The following CDHR3 variants were observed in gnomAD, a reference collection of about 807,000 sequenced individuals.
CDHR3 encodes cadherin-related family member 3.
CDHR3 carries 79 observed loss-of-function variants against 86.6 expected under a neutral mutation model. The ratio of observed to expected loss-of-function variants is 0.91; its 90% confidence interval spans 0.76 to 1.10. The LOEUF (loss-of-function observed/expected upper bound fraction) is 1.10, where lower values mean the gene tolerates loss of function less well. CDHR3 is among the 50% of genes least tolerant of loss of function. CDHR3 has a pLI of 0.00. For synonymous variants in CDHR3, 421 were observed against 402.4 expected, an observed-to-expected ratio of 1.05 and a Z score of -0.55; for missense variants, 1,081 against 1,077.6, an observed-to-expected ratio of 1.00 and a Z score of -0.04.
Position 106,018,022 on chromosome 7 carries a change from T to A in CDHR3, c.1603T>A (p.Tyr535Asn), listed in dbSNP as rs774894721. 3.5e-5 allele frequency: 57 copies of A among 1,613,832 alleles called. No individual in the cohort carries two copies. The highest frequency in any genetic ancestry group is 6.7e-5 in the African/African-American group (5 of 74,908). ...AGTGGACTGTGAAACAACCCCCATC[T>A]ATATTCTCAGAATCCAGGCCACCAA... The part of the protein sequence containing the change: ...TKVDCETTPI[Y>N]ILRIQATNNE... Residue 535 changes from tyrosine to asparagine, a missense_variant, in exon 12 of 19, where the codon TAT becomes AAT. Transcript: ENST00000317716.
intron 4 of CDHR3, among the ~76,000 whole-genome samples, chr7:105,985,617 G>A (rs1830411755): frequency 6.6e-6 from 1 of 151,980 alleles, no homozygotes; most frequent in Admixed American, 6.6e-5. Context: ...ACAACTTAAA[G>A]TAAGGGAATA....
rs762482182 is a variant in CDHR3 at position 106,032,537 on chromosome 7, T to G, written c.2498T>G (p.Leu833Arg). The change falls in exon 19 of 19, where the codon CTG becomes CGG. Residue 833 changes from leucine to arginine, a missense_variant. Coordinates refer to ENST00000317716, the MANE Select transcript of CDHR3 (RefSeq NM_152750.5). ...RVTAGEGMGS[L>R]RSANWEEDEL... ...ACTGCTGGGGAAGGGATGGGGTCAC[T>G]GAGAAGTGCCAACTGGGAAGAAGAT... 1.2e-6 allele frequency: 2 copies of G among 1,613,756 alleles called. No homozygotes were observed. Among genetic ancestry groups the G allele is most frequent in the Middle Eastern group, 1.6e-4 (1 of 6,062 alleles).
In CDHR3 at chr7:105,981,213, A is replaced by T. The variant is rs1563240383; in HGVS notation, c.415+80A>T. The T allele has an allele frequency of 1.3e-5, 19 of 1,414,540 alleles. No homozygotes were observed. In the East Asian group the frequency reaches 4.6e-4, roughly 34 times the overall value. 87.6% of individuals were successfully genotyped at this position (1,414,540 alleles called of 1,614,324 possible). A position where few individuals can be genotyped will look rare whatever the true frequency, so the allele number is the denominator to read the frequency against. ...CTGGGGGACAGAGAGAAACAGAAAAAGTAAATAAACAAGCAGCTGTTTCCC... is the reference window on the plus strand; with the variant it reads ...CTGGGGGACAGAGAGAAACAGAAAATGTAAATAAACAAGCAGCTGTTTCCC... On this transcript the variant is annotated intron_variant, in intron 3 of 18. Coordinates refer to ENST00000317716, the MANE Select transcript of CDHR3 (RefSeq NM_152750.5).
rs201638418 is a variant in CDHR3 at position 106,015,195 on chromosome 7, GC to G, written c.1316del (p.Pro439LeufsTer12). On this transcript the variant is annotated frameshift_variant, in exon 10 of 19. Coordinates refer to ENST00000317716, the MANE Select transcript of CDHR3 (RefSeq NM_152750.5). LOFTEE classifies it high-confidence loss of function. ...GGTGATAATCCAGGTGCAGGATGTGGCCCCCCCTTACTATAAAAGCAAGTAT... is the reference window on the plus strand; with the variant it reads ...GGTGATAATCCAGGTGCAGGATGTGGCCCCCCTTACTATAAAAGCAAGTAT... ...YTVIIQVQDV[A>X]PPYYKNNVYV... is the part of the protein sequence containing the mutation. 4.1e-4 allele frequency: 657 copies of G among 1,609,176 alleles called. 3 individuals are homozygous for G. The East Asian group carries it at 9.5e-3, about 23-fold the overall frequency.
chr7:106,033,701 A>G lies in CDHR3; in HGVS notation c.*1004A>G, dbSNP rs113519947. 6,722 of 152,318 alleles carry G rather than the reference A, an allele frequency of 0.044. 336 individuals are homozygous for G. The highest frequency in any genetic ancestry group is 0.13 in the African/African-American group (5,297 of 41,528). 9.4% of individuals were successfully genotyped at this position (152,318 alleles called of 1,614,324 possible). A position where few individuals can be genotyped will look rare whatever the true frequency, so the allele number is the denominator to read the frequency against. ...GGTTACAGTGAGTTGAGATTGTGCCACTGCACTCTAGCCTGGGTGACAAAG... is the reference window on the plus strand; with the variant it reads ...GGTTACAGTGAGTTGAGATTGTGCCGCTGCACTCTAGCCTGGGTGACAAAG... On this transcript the variant is annotated 3_prime_UTR_variant, in exon 19 of 19. Transcript: ENST00000317716.
rs73195662 is a variant in CDHR3 at position 106,018,014 on chromosome 7, C to G, written c.1595C>G (p.Thr532Ser). Residue 532 changes from threonine to serine, a missense_variant, in exon 12 of 19, where the codon ACC (threonine) becomes AGC (serine). Transcript: ENST00000317716. ...GTAACTAAAGTGGACTGTGAAACAA[C>G]CCCCATCTATATTCTCAGAATCCAG... ...QLVTKVDCET[T>S]PIYILRIQAT... The G allele has an allele frequency of 0.069, 110,415 of 1,611,832 alleles. 4,424 individuals are homozygous for G. The highest frequency in any genetic ancestry group is 0.14 in the South Asian group (13,054 of 90,936).
chr7:106,022,579 C>T, intron 14 of CDHR3, 131 bp downstream of exon 14: 2 of 1,332,386 alleles, frequency 1.5e-6, no homozygotes, highest in Non-Finnish European at 2.1e-6. Flanking sequence ...CCAAAAATGG[C>T]AACCATGGGC....
chr7:105,974,545 C>T (rs189131063), intron 1 of CDHR3, among the ~76,000 whole-genome samples: 5 of 152,260 alleles, frequency 3.3e-5, no homozygotes, highest in Non-Finnish European at 7.3e-5. Flanking sequence ...TTTCCCTGCT[C>T]TTCCCAAAGG....
Position 105,981,077 on chromosome 7 carries a change from C to G in CDHR3, c.359C>G (p.Thr120Ser), listed in dbSNP as rs781573824. Residue 120 changes from threonine (T) to serine (S), a missense_variant, in exon 3 of 19, where the codon ACT becomes AGT. Coordinates refer to ENST00000317716, the MANE Select transcript of CDHR3 (RefSeq NM_152750.5). Reference sequence around the variant, plus strand: ...GGTGTCACAGACCTGCAAGTCCTGACTGTCCAGGTAACAGATGTGAACGAG... The same window carrying G: ...GGTGTCACAGACCTGCAAGTCCTGAGTGTCCAGGTAACAGATGTGAACGAG... ...EVGVTDLQVLTVQVTDVNEPP... is the reference protein window; with the variant it reads ...EVGVTDLQVLSVQVTDVNEPP... The G allele has an allele frequency of 1.2e-6, 2 of 1,613,686 alleles. No homozygotes were observed. Among genetic ancestry groups the G allele is most frequent in the Admixed American group, 3.3e-5 (2 of 59,980 alleles).
intron 2 of CDHR3, among the ~76,000 whole-genome samples, chr7:105,978,290 A>T (rs1419842572): frequency 2.0e-5 from 3 of 152,164 alleles, no homozygotes; most frequent in Non-Finnish European, 4.4e-5. Context: ...GCCAGGGAAG[A>T]GTGACTGCCA....
chr7:105,990,965 T>C (rs963906885), intron 4 of CDHR3, among the ~76,000 whole-genome samples: 3 of 152,172 alleles, frequency 2.0e-5, no homozygotes, highest in African/African-American at 7.2e-5. Flanking sequence ...CTTTTGTGTC[T>C]GAGAGCAAAC....
At chr7:105,980,623 ATTTT>A (rs55880404) in intron 2 of CDHR3, among the ~76,000 whole-genome samples, 4 of 108,156 alleles carry the variant, frequency 3.7e-5, no homozygotes, top group African/African-American at 1.5e-4. Flanking sequence ...TTTTTTTTTA[ATTTT>A]TTTTTTTTTT....
At chr7:105,993,891 A>G (rs946711322) in intron 4 of CDHR3, among the ~76,000 whole-genome samples, 8 of 152,106 alleles carry the variant, frequency 5.3e-5, no homozygotes, top group Admixed American at 1.3e-4. Context: ...CTATCAGATC[A>G]AGGAGATCTG....
intron 4 of CDHR3, among the ~76,000 whole-genome samples, chr7:105,987,193 T>G (rs1326706355): frequency 1.3e-5 from 2 of 151,932 alleles, no homozygotes; most frequent in Non-Finnish European, 2.9e-5. Flanking sequence ...GTTGCTCCCT[T>G]CAGAAAAAAA....
Position 106,010,916 on chromosome 7 carries a change from T to C in CDHR3, c.1053-1944T>C, listed in dbSNP as rs538580907. On this transcript the variant is annotated intron_variant, in intron 8 of 18. Coordinates refer to ENST00000317716, the MANE Select transcript of CDHR3 (RefSeq NM_152750.5). ...AGTTAAGGAGTGTTCAGCTAGGGCATTGGGGGTCCTGGAGCCAGTGTCAAC... is the reference window on the plus strand; with the variant it reads ...AGTTAAGGAGTGTTCAGCTAGGGCACTGGGGGTCCTGGAGCCAGTGTCAAC... Among the ~76,000 whole-genome samples, 35 of 152,294 alleles carry C rather than the reference T, an allele frequency of 2.3e-4. 1 individual carries two copies. In the South Asian group the frequency reaches 2.5e-3, roughly 11 times the overall value.
At chr7:106,031,893 G>A (rs1838431383) in intron 18 of CDHR3, among the ~76,000 whole-genome samples, 1 of 152,010 alleles carries the variant, frequency 6.6e-6, no homozygotes. Context: ...CATCTCAAGC[G>A]GGACCAGATT....
intron 6 of CDHR3, among the ~76,000 whole-genome samples, chr7:105,998,657 G>A (rs916576444): frequency 1.3e-5 from 2 of 152,094 alleles, no homozygotes; most frequent in Admixed American, 1.3e-4. Context: ...CAGGCATGGT[G>A]GCTGTAATCC....
intron 9 of CDHR3, among the ~76,000 whole-genome samples, chr7:106,014,267 C>G (rs1835238921): frequency 6.6e-6 from 1 of 152,190 alleles, no homozygotes; most frequent in East Asian, 1.9e-4. Flanking sequence ...GTAGTGCTCC[C>G]TTATCCACCG....
intron 9 of CDHR3, among the ~76,000 whole-genome samples, 156 bp downstream of exon 9, chr7:106,013,187 G>A (rs533498726): frequency 3.3e-5 from 5 of 152,260 alleles, no homozygotes; most frequent in Admixed American, 6.5e-5. Context: ...TTCCCCATTC[G>A]CTCTTTATTT....
Sources: allele counts gnomAD v4.1 joint callset (sites outside exome capture counted in the v4.1 genomes callset), GRCh38; gene constraint gnomAD v4.1.1; transcripts MANE v1.5; gene names NCBI Gene and HGNC (gene_info 2026-07-23, HGNC 2026-07-21).